Variants in PPFIA4 observed in about 807,000 individuals in gnomAD.
PPFIA4 encodes liprin-alpha-4.
In PPFIA4, 98 loss-of-function variants were observed where a neutral mutation model predicts 145.7. That is an observed-to-expected ratio of 0.67 (90% CI 0.57 to 0.80). The LOEUF (loss-of-function observed/expected upper bound fraction) is 0.80. Among genes scored for constraint, PPFIA4 ranks in the 30% least tolerant of loss-of-function variants. PPFIA4 has a pLI of 0.00. For missense variants in PPFIA4, 1,457 were observed against 1,632.7 expected, an observed-to-expected ratio of 0.89 and a Z score of 1.85; for synonymous variants, 628 against 649.6, an observed-to-expected ratio of 0.97 and a Z score of 0.51.
At position 203,071,708 on chromosome 1, in the gene PPFIA4, A is replaced by C; in HGVS notation, c.3341A>C (p.Glu1114Ala). ...TQNTQARQVMEREFNNLLALG... is the reference protein window; with the variant it reads ...TQNTQARQVMAREFNNLLALG... ...GGACTGCAGGCACGCCAAGTGATGG[A>C]AAGAGAGTTCAATAACCTGTTGGCC... is the stretch of plus-strand genomic sequence containing the variant. The change falls in exon 28 of 30, where the codon GAA becomes GCA. Residue 1114 changes from glutamate to alanine, a missense_variant. Physicochemically the swap from Glu to Ala is moderately radical, Grantham distance 107. This residue lies in a region of PPFIA4 where 848 missense variants were observed against 1,046.7 expected (regional missense o/e 0.81). Coordinates refer to ENST00000295706, the MANE Select transcript of PPFIA4 (RefSeq NM_001304331.2). The C allele has an allele frequency of 6.2e-7, 1 of 1,612,766 alleles. No homozygotes were observed.
At chr1:203,051,666 C>T (rs956084422) in intron 13 of PPFIA4, 103 bp from the exon 14 acceptor site, 6 of 1,498,382 alleles carry the variant, frequency 4.0e-6, no homozygotes, top group Non-Finnish European at 5.4e-6. Flanking sequence ...TAAGATGTCT[C>T]TTCTCTGAGC....
intron 1 of PPFIA4, among the ~76,000 whole-genome samples, chr1:203,032,267 G>A (rs2102606571): frequency 6.6e-6 from 1 of 152,128 alleles, no homozygotes; most frequent in Admixed American, 6.5e-5. Flanking sequence ...CCCTCCTTTT[G>A]GCCTTGGACT....
intron 24 of PPFIA4, among the ~76,000 whole-genome samples, chr1:203,062,255 AT>A (rs1209858752): frequency 6.6e-6 from 1 of 151,864 alleles, no homozygotes; most frequent in Non-Finnish European, 1.5e-5. Context: ...AGGCGGGCGG[AT>A]CACGAGGTCA....
At chr1:203,072,286 T>C (rs1263746589) in intron 28 of PPFIA4, among the ~76,000 whole-genome samples, 2 of 152,192 alleles carry the variant, frequency 1.3e-5, no homozygotes, top group East Asian at 3.8e-4. Context: ...AAACACACGC[T>C]CGGGCTTTTA....
intron 23 of PPFIA4, 196 bp downstream of exon 23, chr1:203,061,228 A>G (rs1004695527): frequency 2.3e-5 from 14 of 611,864 alleles, no homozygotes; most frequent in Non-Finnish European, 4.1e-5. Flanking sequence ...AGCAGTTTGT[A>G]TGTGTGTGAT....
chr1:203,027,842 A>G (rs1658517213), intron 1 of PPFIA4, among the ~76,000 whole-genome samples: 1 of 152,164 alleles, frequency 6.6e-6, no homozygotes, highest in African/African-American at 2.4e-5. Context: ...ATTCTGTTAC[A>G]TTGCTGTTGG....
intron 1 of PPFIA4, among the ~76,000 whole-genome samples, chr1:203,037,917 T>C (rs966993482): frequency 2.4e-4 from 37 of 152,338 alleles, no homozygotes; most frequent in Admixed American, 2.2e-3. Flanking sequence ...GCCTGCTGTC[T>C]GCTAGGCCTG....
intron 25 of PPFIA4, among the ~76,000 whole-genome samples, chr1:203,065,750 T>C (rs950258533): frequency 1.3e-5 from 2 of 152,250 alleles, no homozygotes; most frequent in Non-Finnish European, 2.9e-5. Flanking sequence ...TAAAACCTTA[T>C]TTTACAGATA....
chr1:203,035,752 G>C (rs1190523118), intron 1 of PPFIA4: 2 of 434,474 alleles, frequency 4.6e-6, no homozygotes, highest in African/African-American at 4.0e-5. Context: ...GAAGGAGCCA[G>C]GTGCCCCACG....
chr1:203,056,982 C>T (rs902131332), intron 19 of PPFIA4, 32 bp downstream of exon 19: 31 of 1,610,278 alleles, frequency 1.9e-5, no homozygotes, highest in South Asian at 3.3e-5. Flanking sequence ...GAGGTCTGGG[C>T]GGGCATTGGG....
At chr1:203,051,070 C>G in intron 13 of PPFIA4, 1 of 923,846 alleles carries the variant, frequency 1.1e-6, no homozygotes, top group Non-Finnish European at 1.3e-6. Context: ...TCAAGGGTTC[C>G]AAGTAGGAAG....
At position 203,063,808 on chromosome 1, in the gene PPFIA4, C is replaced by T. The variant is rs1042963458; in HGVS notation, c.2875-20C>T. ...CTACCTTCCTCCCCCATAATAGCCT[C>T]CTGCATCTCATTTCCCTAGACCCTG... On this transcript the variant is annotated intron_variant, in intron 24 of 29. Coordinates refer to ENST00000295706, the MANE Select transcript of PPFIA4 (RefSeq NM_001304331.2). The T allele has an allele frequency of 8.7e-6, 14 of 1,613,456 alleles. No individual in the cohort carries two copies. Among genetic ancestry groups the T allele is most frequent in the Non-Finnish European group, 1.2e-5 (14 of 1,179,760 alleles).
In PPFIA4 at chr1:203,045,942, C is replaced by G; in HGVS notation, c.960C>G (p.Asp320Glu). The G allele has an allele frequency of 1.9e-6, 3 of 1,612,838 alleles. No homozygotes were observed. Among genetic ancestry groups the G allele is most frequent in the Non-Finnish European group, 2.5e-6 (3 of 1,179,874 alleles). ...REATSIHDLN[D>E]KLENELANKE... ...CAACATCCATCCATGACCTCAATGA[C>G]AAGCTGGAGAATGAGCTGGCCAACA... is the stretch of plus-strand genomic sequence containing the variant. Residue 320 changes from aspartate (D) to glutamate (E), a missense_variant, in exon 8 of 30, where the codon GAC becomes GAG. Physicochemically the swap from Asp to Glu is conservative, Grantham distance 45 (BLOSUM62 2). Transcript: ENST00000295706.
rs1660893667 is a variant in PPFIA4 at position 203,055,745 on chromosome 1, A to G, written c.2070+73A>G. On this transcript the variant is annotated intron_variant, in intron 16 of 29. Transcript: ENST00000295706. This position sits in a 1 kb window ranked among gnomAD's most constrained non-coding sequence, Gnocchi z 4.8. ...GGGGGAGGTTTTAAGGGATGGTAGG[A>G]CTCACGTGCTCTCAGCTGGGCCTGC... The G allele has an allele frequency of 6.3e-7, 1 of 1,590,084 alleles. No homozygotes were observed. The highest frequency in any genetic ancestry group is 1.1e-5 in the South Asian group (1 of 89,294).
Position 203,044,770 on chromosome 1 carries a change from G to A in PPFIA4, c.651G>A (p.Pro217=), listed in dbSNP as rs751252995. The A allele has an allele frequency of 7.7e-6, 12 of 1,563,586 alleles. No individual in the cohort carries two copies. The highest frequency in any genetic ancestry group is 7.1e-5 in the South Asian group (6 of 84,936). ...AEEEGTVELG[P]KRLWKEDTGR... is the part of the protein sequence containing the mutation. ...AGGAGGGGACTGTGGAGCTGGGGCC[G>A]AAACGCCTGTGGAAGGTAGGTCATG... The change falls in exon 6 of 30, where the codon CCG becomes CCA. Residue 217 remains proline, a synonymous_variant. Transcript: ENST00000295706.
rs16850976 is a variant in PPFIA4, at chr1:203,068,656, G to T, written c.3324+28G>T. On this transcript the variant is annotated intron_variant, in intron 27 of 29. Coordinates refer to ENST00000295706, the MANE Select transcript of PPFIA4 (RefSeq NM_001304331.2). This position sits in a 1 kb window ranked among gnomAD's most constrained non-coding sequence, Gnocchi z 4.7. ...GGGCAGCCTTTTAATCAGTCAACTT[G>T]AGTCTCTCCCTGTATCCCTCACTTG... The T allele has an allele frequency of 7.3e-3, 10,637 of 1,462,516 alleles. 361 individuals carry two copies. The Admixed American group carries it at 0.085, about 12-fold the overall frequency. 90.6% of individuals were successfully genotyped at this position (1,462,516 alleles called of 1,614,324 possible).
In PPFIA4 at chr1:203,048,202, T is replaced by G. The variant is rs374636635; in HGVS notation, c.1141-25T>G. On this transcript the variant is annotated intron_variant, in intron 9 of 29. Transcript: ENST00000295706. This position sits in a 1 kb window ranked among gnomAD's most constrained non-coding sequence, Gnocchi z 5.8. ...GCAGGAAGAACAGAGATCTGCGGGCTGCACCGACCCATCCCTGCCCCTAGG... is the reference window on the plus strand; with the variant it reads ...GCAGGAAGAACAGAGATCTGCGGGCGGCACCGACCCATCCCTGCCCCTAGG... 1 of 1,609,944 alleles carries G rather than the reference T, an allele frequency of 6.2e-7. No homozygotes were observed. Among genetic ancestry groups the G allele is most frequent in the African/African-American group, 1.3e-5 (1 of 74,856 alleles).
chr1:203,045,990 A>G lies in PPFIA4; in HGVS notation c.1005+3A>G, dbSNP rs1299925037. The G allele has an allele frequency of 6.2e-7, 1 of 1,612,412 alleles. No individual in the cohort carries two copies. Among genetic ancestry groups the G allele is most frequent in the East Asian group, 2.2e-5 (1 of 44,852 alleles). The stretch of plus-strand genomic sequence containing the variant: ...ACAAGGAGTCCCTGCACCGCCAGGT[A>G]CCTCCTCAGGGTGGGGTGGGGATGG... On this transcript the variant is annotated splice_donor_region_variant and intron_variant, in intron 8 of 29. Coordinates refer to ENST00000295706, the MANE Select transcript of PPFIA4 (RefSeq NM_001304331.2).
In PPFIA4 at chr1:203,041,756, C is replaced by T. The variant is rs372845052; in HGVS notation, c.235-1641C>T. ...AGCACCAGCCTTTTGGTGGTGGTGT[C>T]ATGGTGTAGGGCTGGGTGGCAGGCT... On this transcript the variant is annotated intron_variant, in intron 2 of 29. Transcript: ENST00000295706. Among the ~76,000 whole-genome samples the T allele has an allele frequency of 4.6e-5, 7 of 152,098 alleles. No individual in the cohort carries two copies. In the South Asian group the frequency reaches 1.2e-3, roughly 27 times the overall value.
Sources: gnomAD v4.1 joint callset for allele counts (sites outside exome capture counted in the v4.1 genomes callset) on GRCh38, gnomAD v4.1.1 for gene constraint, gnomAD v4.1.1 regional missense constraint, Gnocchi (gnomAD v3.1) non-coding constraint, MANE v1.5 for transcripts, NCBI Gene and HGNC (gene_info 2026-07-23, HGNC 2026-07-21) for gene names.